PKNOX1: variants seen among roughly 807,000 people sequenced by gnomAD.
The protein encoded by PKNOX1 is homeobox protein PKNOX1.
PKNOX1 carries 15 observed loss-of-function variants against 51.9 expected under a neutral mutation model. That is an observed-to-expected ratio of 0.29 (90% CI 0.19 to 0.45). The LOEUF (loss-of-function observed/expected upper bound fraction) is 0.45. PKNOX1 is among the 20% of genes least tolerant of loss of function. The pLI is 1.00. For missense variants in PKNOX1, 462 were observed against 547.5 expected (o/e 0.84, Z 1.56); for synonymous variants, 219 against 211.1 (o/e 1.04, Z -0.32).
At position 42,978,641 on chromosome 21, in the gene PKNOX1, G is replaced by A. The variant is rs1223378548; in HGVS notation, c.-57+3977G>A. ...TGGGACTACAGACGTGAGCCACCAC[G>A]CCCGGCTAATTTTTGTATTTTTAGT... On this transcript the variant is annotated intron_variant, in intron 1 of 10. Coordinates refer to ENST00000291547, the MANE Select transcript of PKNOX1 (RefSeq NM_004571.5). Among the ~76,000 whole-genome samples, 2 of 151,554 alleles carry A rather than the reference G, an allele frequency of 1.3e-5. 1 individual carries two copies. The highest frequency in any genetic ancestry group is 4.2e-4 in the South Asian group (2 of 4,808).
intron 1 of PKNOX1, among the ~76,000 whole-genome samples, chr21:42,986,002 G>GA (rs376565583): frequency 0.018 from 2,001 of 110,518 alleles, 61 homozygotes; most frequent in African/African-American, 0.059. Flanking sequence ...CTCTGTCTCA[G>GA]AAAAAAAAAA....
chr21:43,010,249 A>C, intron 4 of PKNOX1, 25 bp downstream of exon 4: 1 of 1,320,832 alleles, frequency 7.6e-7, no homozygotes, highest in Non-Finnish European at 1.0e-6. Flanking sequence ...TTTTATTTTT[A>C]GTTTTCAAAA....
At chr21:42,975,637 C>G (rs1405911704) in intron 1 of PKNOX1, among the ~76,000 whole-genome samples, 2 of 152,218 alleles carry the variant, frequency 1.3e-5, no homozygotes, top group African/African-American at 4.8e-5. Context: ...GTTAGGGCCT[C>G]CGTTCCGATG....
chr21:43,012,154 G>A (rs1055990066), intron 4 of PKNOX1, among the ~76,000 whole-genome samples: 26 of 152,206 alleles, frequency 1.7e-4, no homozygotes, highest in African/African-American at 5.1e-4. Context: ...GATGGGCTTC[G>A]GAGCTGCTGA....
chr21:43,001,190 CATATTTTA>C (rs1978736375), intron 1 of PKNOX1, among the ~76,000 whole-genome samples: 1 of 152,218 alleles, frequency 6.6e-6, no homozygotes, highest in Non-Finnish European at 1.5e-5. Context: ...GTGTTTTCCT[CATATTTTA>C]ATTGCACATA....
At chr21:43,005,662 CTG>C (rs1446098968) in intron 2 of PKNOX1, among the ~76,000 whole-genome samples, 10 of 152,050 alleles carry the variant, frequency 6.6e-5, no homozygotes, top group Non-Finnish European at 1.5e-4. Context: ...TCTGGCCCCT[CTG>C]GACCCCAGGA....
chr21:42,975,442 A>G (rs2058990236), intron 1 of PKNOX1, among the ~76,000 whole-genome samples: 1 of 152,134 alleles, frequency 6.6e-6, no homozygotes, highest in Non-Finnish European at 1.5e-5. Flanking sequence ...CGCTTCTGTC[A>G]CACGGGTCGT....
Position 42,978,681 on chromosome 21 carries a change from G to A in PKNOX1, c.-57+4017G>A, listed in dbSNP as rs557333935. The stretch of plus-strand genomic sequence containing the variant: ...GTATTTTTAGTAGAGACAGGGTTTC[G>A]CCGTATTGGCCAGGCTGGTCTTGAA... On this transcript the variant is annotated intron_variant, in intron 1 of 10. Transcript: ENST00000291547. Among the ~76,000 whole-genome samples, 686 of 150,544 alleles carry A rather than the reference G, an allele frequency of 4.6e-3. 6 individuals carry two copies. The highest frequency in any genetic ancestry group is 7.8e-3 in the Non-Finnish European group (523 of 67,474).
chr21:43,019,742 A>G (rs144195866), intron 7 of PKNOX1, among the ~76,000 whole-genome samples: 20 of 152,124 alleles, frequency 1.3e-4, no homozygotes, highest in Non-Finnish European at 2.2e-4. Context: ...GGGTTTCACC[A>G]CGTTGGCCAG....
intron 1 of PKNOX1, among the ~76,000 whole-genome samples, chr21:42,981,461 A>G (rs2059025360): frequency 1.3e-5 from 2 of 152,250 alleles, no homozygotes; most frequent in Non-Finnish European, 2.9e-5. Context: ...CATGTGGTAT[A>G]AAACTCCTGT....
At chr21:43,019,426 T>A (rs1328992067) in intron 7 of PKNOX1, among the ~76,000 whole-genome samples, 3 of 142,646 alleles carry the variant, frequency 2.1e-5, no homozygotes, top group Non-Finnish European at 3.1e-5. Flanking sequence ...AAAACACACA[T>A]TTTTTTGAGA....
Position 43,032,343 on chromosome 21 carries a change from G to T in PKNOX1, c.*2242G>T. 9.0e-6 allele frequency: 3 copies of T among 334,974 alleles called. No homozygotes were observed. Among genetic ancestry groups the T allele is most frequent in the Non-Finnish European group, 1.9e-5 (3 of 162,070 alleles). 20.8% of individuals were successfully genotyped at this position (334,974 alleles called of 1,614,324 possible). ...CTCACCACCCTCCGTCTCTTCGGCT[G>T]CTTGCTCTTTAGTGTAGATTAGTGG... is the stretch of plus-strand genomic sequence containing the variant. On this transcript the variant is annotated 3_prime_UTR_variant, in exon 11 of 11. Coordinates refer to ENST00000291547, the MANE Select transcript of PKNOX1 (RefSeq NM_004571.5).
At chr21:43,020,485 A>G (rs1039185256) in intron 7 of PKNOX1, 13 of 152,248 alleles carry the variant, frequency 8.5e-5, no homozygotes, top group African/African-American at 2.4e-4. Flanking sequence ...TGCCATTCAC[A>G]TCTTTTTCTT....
Position 43,004,231 on chromosome 21 carries a change from C to T in PKNOX1, c.-56-95C>T, listed in dbSNP as rs866351068. 1.3e-4 allele frequency: 76 copies of T among 566,304 alleles called. 1 individual carries two copies. The Middle Eastern group carries it at 8.1e-3, about 61-fold the overall frequency. The allele number at this position is 566,304 out of a possible 1,614,324, so 35.1% of individuals were successfully genotyped here. On this transcript the variant is annotated intron_variant, in intron 1 of 10. Coordinates refer to ENST00000291547, the MANE Select transcript of PKNOX1 (RefSeq NM_004571.5). ...CAGCCTGGGCAACAAGAGTGAAACT[C>T]GGTCTCAAAAAAAAAAAATTTGATG...
intron 5 of PKNOX1, among the ~76,000 whole-genome samples, chr21:43,016,299 A>G (rs1034531762): frequency 2.0e-5 from 3 of 152,234 alleles, no homozygotes; most frequent in African/African-American, 7.2e-5. Flanking sequence ...TGGGGCATGT[A>G]GAAACATTTG....
rs537586368 is a variant in PKNOX1, at chr21:43,008,743, T to C, written c.179+1125T>C. 3.3e-5 allele frequency among the ~76,000 whole-genome samples: 5 copies of C among 152,092 alleles called. No individual in the cohort carries two copies. The East Asian group carries it at 9.7e-4, about 29-fold the overall frequency. ...GCAGTGAGCTGAGATCATGCCACTG[T>C]ACTCCAGTCTGAGTGACAGAGAGTG... On this transcript the variant is annotated intron_variant, in intron 3 of 10. Transcript: ENST00000291547.
chr21:43,010,738 C>G (rs953886498), intron 4 of PKNOX1, among the ~76,000 whole-genome samples: 4 of 151,936 alleles, frequency 2.6e-5, no homozygotes, highest in African/African-American at 9.7e-5. Context: ...GTGGCACATG[C>G]CTGTAGTCCC....
At chr21:42,993,697 A>G (rs1451189250) in intron 1 of PKNOX1, among the ~76,000 whole-genome samples, 1 of 112,494 alleles carries the variant, frequency 8.9e-6, no homozygotes, top group Non-Finnish European at 1.9e-5. Flanking sequence ...GCTTTGTAGT[A>G]TATTTTAAAA....
At chr21:42,985,606 A>G (rs948514151) in intron 1 of PKNOX1, among the ~76,000 whole-genome samples, 1 of 152,134 alleles carries the variant, frequency 6.6e-6, no homozygotes, top group East Asian at 1.9e-4. Context: ...CAATGCTGAG[A>G]TTACAGGAGT....
Sources: allele counts gnomAD v4.1 joint callset (sites outside exome capture counted in the v4.1 genomes callset), GRCh38; gene constraint gnomAD v4.1.1; transcripts MANE v1.5; gene names NCBI Gene and HGNC (gene_info 2026-07-23, HGNC 2026-07-21).